Variants in DHRSX observed in about 807,000 individuals in gnomAD.
DHRSX encodes polyprenol dehydrogenase.
A neutral mutation model predicts 34.0 loss-of-function variants in DHRSX; 31 were observed. The ratio of observed to expected loss-of-function variants is 0.91; its 90% CI spans 0.69 to 1.23. The LOEUF (loss-of-function observed/expected upper bound fraction) is 1.23, where lower values mean the gene tolerates loss of function less well. Among genes scored for constraint, DHRSX ranks in the 50% most tolerant of loss-of-function variants. DHRSX has a pLI of 0.00. For synonymous variants in DHRSX, 201 were observed against 183.8 expected (o/e 1.09, Z -0.76); for missense variants, 414 against 428.1 (o/e 0.97, Z 0.29).
chrX:2,376,606 GTGTCATTGCATACAACTAGGT>G (rs1490645733), intron 3 of DHRSX, among the ~76,000 whole-genome samples: 1 of 137,682 alleles, frequency 7.3e-6, no homozygotes, highest in Non-Finnish European at 1.7e-5. Flanking sequence ...CACTAGAGTA[GTGTCATTGCATACAACTAGGT>G]TGTCATTGCA....
chrX:2,450,392 G>A (rs2044200067), intron 1 of DHRSX, among the ~76,000 whole-genome samples: 1 of 152,080 alleles, frequency 6.6e-6, no homozygotes, highest in African/African-American at 2.4e-5. Flanking sequence ...AACCCGGGAG[G>A]TGAAGGTTGC....
chrX:2,399,531 C>A lies in DHRSX; in HGVS notation c.286+9214G>T, dbSNP rs746317174. Among the ~76,000 whole-genome samples, 26 of 151,446 alleles carry A rather than the reference C, an allele frequency of 1.7e-4. No individual in the cohort carries two copies. The East Asian group carries it at 4.5e-3, about 26-fold the overall frequency. On this transcript the variant is annotated intron_variant, in intron 3 of 6. Transcript: ENST00000334651. ...ACCATCCTGGCTAACACGGTGAATC[C>A]CTGTCTCTACTAAAAATACAAAAAA... is the stretch of plus-strand genomic sequence containing the variant.
intron 1 of DHRSX, among the ~76,000 whole-genome samples, chrX:2,445,093 G>T (rs1479167817): frequency 3.3e-5 from 5 of 152,106 alleles, no homozygotes; most frequent in Non-Finnish European, 2.9e-5. Flanking sequence ...GGAGGTAGAG[G>T]TTACAGTGAG....
intron 1 of DHRSX, among the ~76,000 whole-genome samples, chrX:2,457,146 G>A (rs1176174513): frequency 6.6e-6 from 1 of 152,180 alleles, no homozygotes; most frequent in Non-Finnish European, 1.5e-5. Context: ...ACACTCAGAA[G>A]AAAGTGGCCA....
intron 1 of DHRSX, among the ~76,000 whole-genome samples, chrX:2,458,403 C>T (rs914632956): frequency 1.3e-5 from 2 of 152,156 alleles, no homozygotes; most frequent in East Asian, 1.9e-4. Flanking sequence ...TGCAGCACTA[C>T]TAATAGTTTC....
intron 3 of DHRSX, among the ~76,000 whole-genome samples, chrX:2,361,075 G>C (rs144429838): frequency 2.6e-5 from 4 of 152,160 alleles, no homozygotes; most frequent in African/African-American, 9.6e-5. Flanking sequence ...AGAGAAAATG[G>C]AACATTTCAA....
chrX:2,379,395 A>G (rs2043178123), intron 3 of DHRSX, among the ~76,000 whole-genome samples: 1 of 152,152 alleles, frequency 6.6e-6, no homozygotes, highest in African/African-American at 2.4e-5. Flanking sequence ...TTAGTCCTAC[A>G]TGGCAAACAA....
At chrX:2,426,001 G>A (rs2043842003) in intron 1 of DHRSX, among the ~76,000 whole-genome samples, 1 of 152,150 alleles carries the variant, frequency 6.6e-6, no homozygotes. Flanking sequence ...GTTAGGGCAG[G>A]TGGAGAGTGA....
intron 3 of DHRSX, among the ~76,000 whole-genome samples, chrX:2,367,594 A>G (rs1341794623): frequency 1.3e-5 from 2 of 152,214 alleles, no homozygotes; most frequent in Non-Finnish European, 2.9e-5. Context: ...CATGGAAAAT[A>G]ATATTTTAAA....
At chrX:2,401,600 A>G (rs1005182475) in intron 3 of DHRSX, among the ~76,000 whole-genome samples, 6 of 152,142 alleles carry the variant, frequency 3.9e-5, no homozygotes, top group African/African-American at 1.2e-4. Flanking sequence ...GCCTGCCTTC[A>G]GTGCTTTTAA....
intron 1 of DHRSX, among the ~76,000 whole-genome samples, chrX:2,474,584 A>G (rs1348564921): frequency 6.6e-6 from 1 of 151,754 alleles, no homozygotes; most frequent in Non-Finnish European, 1.5e-5. Context: ...CATACTGAAG[A>G]CGATCCCTAA....
intron 1 of DHRSX, among the ~76,000 whole-genome samples, chrX:2,474,486 C>T (rs190224157): frequency 0.21 from 31,198 of 147,554 alleles, 4,290 homozygotes; most frequent in African/African-American, 0.4. Context: ...ACTGAAGACG[C>T]TCCCTAAGAA....
intron 5 of DHRSX, among the ~76,000 whole-genome samples, chrX:2,265,528 T>A (rs1200632829): frequency 2.7e-4 from 19 of 71,200 alleles, no homozygotes; most frequent in Non-Finnish European, 3.3e-4. Flanking sequence ...GTCCAGCAGA[T>A]GCAGGGAGCA....
At chrX:2,330,157 A>AGGAGGAGGAGGAGAAAG (rs2042445806) in intron 3 of DHRSX, among the ~76,000 whole-genome samples, 1 of 122,104 alleles carries the variant, frequency 8.2e-6, no homozygotes, top group Non-Finnish European at 1.7e-5. Context: ...GGAGAAAGGA[A>AGGAGGAGGAGGAGAAAG]GGAGGAGGAG....
At chrX:2,481,145 G>T (rs182469623) in intron 1 of DHRSX, among the ~76,000 whole-genome samples, 1 of 151,946 alleles carries the variant, frequency 6.6e-6, no homozygotes, top group Non-Finnish European at 1.5e-5. Context: ...ATGTGTACTC[G>T]GATTAAAACA....
rs1178890840 is a variant in DHRSX, at chrX:2,334,738, TCTTTGA to T, written c.287-43141_287-43136del. Reference sequence around the variant, plus strand: ...GCATTGCGATTATGGGTGTGAAGTTTCTTTGACTTTAATATTTTAACTTAATTTATA... The same window carrying T: ...GCATTGCGATTATGGGTGTGAAGTTTCTTTAATATTTTAACTTAATTTATA... On this transcript the variant is annotated intron_variant, in intron 3 of 6. Coordinates refer to ENST00000334651, the MANE Select transcript of DHRSX (RefSeq NM_145177.3). 3.3e-5 allele frequency: 5 copies of T among 152,304 alleles called. No homozygotes were observed. The East Asian group carries it at 5.8e-4, about 18-fold the overall frequency. The allele number at this position is 152,304 out of a possible 1,614,324, so 9.4% of individuals were successfully genotyped here. A position where few individuals can be genotyped will look rare whatever the true frequency, so the allele number is the denominator to read the frequency against.
At chrX:2,445,133 G>T (rs2044113707) in intron 1 of DHRSX, among the ~76,000 whole-genome samples, 1 of 152,140 alleles carries the variant, frequency 6.6e-6, no homozygotes. Flanking sequence ...CTCCAGCCTG[G>T]GCAACAAGAG....
intron 1 of DHRSX, among the ~76,000 whole-genome samples, chrX:2,434,460 G>A (rs985164891): frequency 3.3e-5 from 5 of 152,130 alleles, no homozygotes; most frequent in Non-Finnish European, 5.9e-5. Flanking sequence ...GCGGAGGCTA[G>A]GAGCACGAGG....
chrX:2,419,057 C>T (rs2043735692), intron 2 of DHRSX, among the ~76,000 whole-genome samples: 1 of 152,172 alleles, frequency 6.6e-6, no homozygotes, highest in Admixed American at 6.5e-5. Flanking sequence ...GGGGTCTCCT[C>T]ATCTAAACCC....
Sources: allele counts gnomAD v4.1 joint callset (sites outside exome capture counted in the v4.1 genomes callset), GRCh38; gene constraint gnomAD v4.1.1; transcripts MANE v1.5; gene names NCBI Gene and HGNC (gene_info 2026-07-23, HGNC 2026-07-21).